The following DERPC variants were observed in gnomAD, a reference collection of about 807,000 sequenced individuals.
The protein encoded by DERPC is decreased expression in renal and prostate cancer protein.
In DERPC, 1 loss-of-function variant was observed where a neutral mutation model predicts 7.2. The observed-to-expected ratio is 0.14, with a 90% confidence interval of 0.05 to 0.66. The LOEUF (loss-of-function observed/expected upper bound fraction) is 0.66. DERPC is among the 30% of genes least tolerant of loss of function. The pLI is 0.84. For synonymous variants in DERPC, 185 were observed against 117.6 expected (o/e 1.57, Z -3.71); for missense variants, 502 against 299.4 (o/e 1.68, Z -4.99).
chr16:69,131,456 T>G (rs1052525816), intron 1 of DERPC: 1 of 150,848 alleles, frequency 6.6e-6, no homozygotes, highest in African/African-American at 2.5e-5. Flanking sequence ...TAGCCCGGCG[T>G]AGAGTCTCCC....
At chr16:69,129,429 CAAAAAAAAAAAA>C (rs11420871) in intron 1 of DERPC, among the ~76,000 whole-genome samples, 3 of 75,602 alleles carry the variant, frequency 4.0e-5, no homozygotes, top group South Asian at 4.6e-4. Context: ...GACTCCGTCA[CAAAAAAAAAAAA>C]AAAAAAAAAG....
intron 1 of DERPC, among the ~76,000 whole-genome samples, chr16:69,129,866 T>C (rs752600205): frequency 3.3e-5 from 5 of 152,198 alleles, no homozygotes; most frequent in Non-Finnish European, 7.3e-5. Context: ...ATCTGTGGGG[T>C]AGGCAGCTAA....
intron 1 of DERPC, among the ~76,000 whole-genome samples, chr16:69,123,939 A>C (rs992831440): frequency 8.6e-5 from 12 of 139,974 alleles, no homozygotes; most frequent in African/African-American, 1.5e-4. Context: ...AAAAAAAAAA[A>C]AAAAAAAACA....
chr16:69,130,390 A>G (rs1226871871), intron 1 of DERPC, among the ~76,000 whole-genome samples: 1 of 152,204 alleles, frequency 6.6e-6, no homozygotes, highest in Non-Finnish European at 1.5e-5. Context: ...GGTGAAATCA[A>G]TTATTTCAGA....
At position 69,127,869 on chromosome 16, in the gene DERPC, CA is replaced by C. The variant is rs553213855; in HGVS notation, c.-280+4614del. Among the ~76,000 whole-genome samples, 7 of 152,024 alleles carry C rather than the reference CA, an allele frequency of 4.6e-5. No homozygotes were observed. The East Asian group carries it at 1.2e-3, about 25-fold the overall frequency. ...AAGTGATCTGCCCACCTTGGCCTTC[CA>C]AAGTGTTGGGATTACAGGCGTGAAC... On this transcript the variant is annotated intron_variant, in intron 1 of 2. Coordinates refer to ENST00000519520, the MANE Select transcript of DERPC (RefSeq NM_001002847.4).
chr16:69,129,440 A>T (rs1205693008), intron 1 of DERPC, among the ~76,000 whole-genome samples: 1 of 151,844 alleles, frequency 6.6e-6, no homozygotes, highest in Non-Finnish European at 1.5e-5. Flanking sequence ...AAAAAAAAAA[A>T]AAAAAAAAAA....
In DERPC at chr16:69,124,259, T is replaced by C. The variant is rs146696723; in HGVS notation, c.-279-2766A>G. 2.0e-3 allele frequency among the ~76,000 whole-genome samples: 305 copies of C among 152,274 alleles called. 6 individuals carry two copies. The highest frequency in any genetic ancestry group is 0.017 in the Admixed American group (264 of 15,290). ...GATGCATAGATTCATGGGGGGCTGA[T>C]AGGATCGGGGATAAAACTACAGCTT... On this transcript the variant is annotated intron_variant, in intron 1 of 2. Coordinates refer to ENST00000519520, the MANE Select transcript of DERPC (RefSeq NM_001002847.4).
intron 1 of DERPC, among the ~76,000 whole-genome samples, chr16:69,126,529 C>A (rs149616898): frequency 2.6e-5 from 4 of 152,356 alleles, no homozygotes; most frequent in African/African-American, 9.6e-5. Flanking sequence ...CTGTGGCCCA[C>A]AGGCCTCAGC....
In DERPC at chr16:69,118,162, AGT is replaced by A; in HGVS notation, c.*690_*691del. The stretch of plus-strand genomic sequence containing the variant: ...TAATTCCCATATTCCCATCCACATC[AGT>A]TTAAATTTTGAGGTTCTTTGATTGA... On this transcript the variant is annotated 3_prime_UTR_variant, in exon 3 of 3. Transcript: ENST00000519520. 5.9e-6 allele frequency: 3 copies of A among 505,504 alleles called. No homozygotes were observed. Among genetic ancestry groups the A allele is most frequent in the African/African-American group, 2.2e-5 (1 of 45,218 alleles). 31.3% of individuals were successfully genotyped at this position (505,504 alleles called of 1,614,324 possible). A position where few individuals can be genotyped will look rare whatever the true frequency, so the allele number is the denominator to read the frequency against.
At position 69,118,136 on chromosome 16, in the gene DERPC, CT is replaced by C; in HGVS notation, c.*717del. The C allele has an allele frequency of 2.7e-6, 1 of 374,602 alleles. No individual in the cohort carries two copies. Among genetic ancestry groups the C allele is most frequent in the Non-Finnish European group, 5.0e-6 (1 of 200,954 alleles). The allele number at this position is 374,602 out of a possible 1,614,324, so 23.2% of individuals were successfully genotyped here. On this transcript the variant is annotated 3_prime_UTR_variant, in exon 3 of 3. Transcript: ENST00000519520. ...CTTCCCTTCATCCCCCACCCCCACC[CT>C]AATTCCCATATTCCCATCCACATCA...
In DERPC at chr16:69,120,639, A is replaced by C. The variant is rs374958103; in HGVS notation, c.-211T>G. The C allele has an allele frequency of 1.9e-6, 3 of 1,608,998 alleles. No individual in the cohort carries two copies. The highest frequency in any genetic ancestry group is 2.7e-5 in the African/African-American group (2 of 74,810). On this transcript the variant is annotated 5_prime_UTR_variant, in exon 3 of 3. Transcript: ENST00000519520. The surrounding 1 kb of genome is among the most constrained non-coding windows in gnomAD (Gnocchi z 4.0). Reference sequence around the variant, plus strand: ...CAGGATATGATGCCCCACGATCAGCACAGGGATTCCCTTTGGCAGAACAAG... The same window carrying C: ...CAGGATATGATGCCCCACGATCAGCCCAGGGATTCCCTTTGGCAGAACAAG...
intron 1 of DERPC, among the ~76,000 whole-genome samples, chr16:69,126,107 A>G (rs1351386695): frequency 1.3e-5 from 2 of 152,210 alleles, no homozygotes; most frequent in East Asian, 1.9e-4. Flanking sequence ...ATGATGTAGT[A>G]TATTTTCCTG....
intron 1 of DERPC, among the ~76,000 whole-genome samples, chr16:69,126,354 A>G (rs965594827): frequency 6.6e-6 from 1 of 152,202 alleles, no homozygotes; most frequent in African/African-American, 2.4e-5. Flanking sequence ...ATTCAGAACA[A>G]TGGTGTCGAA....
At position 69,123,973 on chromosome 16, in the gene DERPC, G is replaced by A. The variant is rs929577329; in HGVS notation, c.-279-2480C>T. On this transcript the variant is annotated intron_variant, in intron 1 of 2. Transcript: ENST00000519520. The stretch of plus-strand genomic sequence containing the variant: ...CAAAAAATTAGCTGGGTGTGGTGGC[G>A]CACGCCTGCAGTTCCAGCTACTTGG... 4.7e-5 allele frequency among the ~76,000 whole-genome samples: 7 copies of A among 149,850 alleles called. 1 individual carries two copies. The highest frequency in any genetic ancestry group is 4.2e-4 in the South Asian group (2 of 4,708).
At chr16:69,126,867 A>AG (rs1252094191) in intron 1 of DERPC, among the ~76,000 whole-genome samples, 3 of 152,162 alleles carry the variant, frequency 2.0e-5, no homozygotes, top group Non-Finnish European at 4.4e-5. Context: ...AGGGCACAGT[A>AG]GGTAGGGATT....
chr16:69,123,260 A>G (rs1961814272), intron 1 of DERPC, among the ~76,000 whole-genome samples: 1 of 152,200 alleles, frequency 6.6e-6, no homozygotes, highest in Admixed American at 6.5e-5. Context: ...TTTCTTAAAA[A>G]AGCCTATGGA....
At chr16:69,125,886 T>C (rs965319502) in intron 1 of DERPC, among the ~76,000 whole-genome samples, 8 of 152,192 alleles carry the variant, frequency 5.3e-5, no homozygotes, top group Non-Finnish European at 1.0e-4. Flanking sequence ...TATGAAACTA[T>C]TGCAAAGACC....
Position 69,121,060 on chromosome 16 carries a change from G to C in DERPC, c.-222+376C>G, listed in dbSNP as rs772991046. ...AAAGAAAAGCCCCCTCACCTCAGTG[G>C]TGTAATGTAGGTCTCCCAGGAGGTT... On this transcript the variant is annotated intron_variant, in intron 2 of 2. Coordinates refer to ENST00000519520, the MANE Select transcript of DERPC (RefSeq NM_001002847.4). The C allele has an allele frequency of 2.0e-5, 32 of 1,613,430 alleles. No individual in the cohort carries two copies. The South Asian group carries it at 3.5e-4, about 18-fold the overall frequency.
At position 69,121,573 on chromosome 16, in the gene DERPC, G is replaced by C. The variant is rs1379750780; in HGVS notation, c.-279-80C>G. 10 of 810,750 alleles carry C rather than the reference G, an allele frequency of 1.2e-5. No homozygotes were observed. The African/African-American group carries it at 1.7e-4, about 14-fold the overall frequency. The allele number at this position is 810,750 out of a possible 1,614,324, so 50.2% of individuals were successfully genotyped here. On this transcript the variant is annotated intron_variant, in intron 1 of 2. Transcript: ENST00000519520. The stretch of plus-strand genomic sequence containing the variant: ...ACCTAATGCAACCTCCACCTCCCGG[G>C]TTCAATCGATTCTCCTGCCTCAGCC...
Sources: gnomAD v4.1 joint callset for allele counts (sites outside exome capture counted in the v4.1 genomes callset) on GRCh38, gnomAD v4.1.1 for gene constraint, Gnocchi (gnomAD v3.1) non-coding constraint, MANE v1.5 for transcripts, NCBI Gene and HGNC (gene_info 2026-07-23, HGNC 2026-07-21) for gene names.